LINGO2: variants seen among roughly 807,000 people sequenced by gnomAD.
LINGO2 encodes the protein leucine-rich repeat and immunoglobulin-like domain-containing nogo receptor-interacting protein 2.
In LINGO2, 14 loss-of-function variants were observed where a neutral mutation model predicts 30.6. That is an observed-to-expected ratio of 0.46 (90% CI 0.30 to 0.72). The LOEUF (loss-of-function observed/expected upper bound fraction) is 0.72, where lower values mean the gene tolerates loss of function less well. LINGO2 is among the 30% of genes least tolerant of loss of function. The pLI is 0.07. For synonymous variants in LINGO2, 317 were observed against 288.5 expected (o/e 1.10, Z -1.00); for missense variants, 729 against 751.7 (o/e 0.97, Z 0.35).
intron 2 of LINGO2, among the ~76,000 whole-genome samples, chr9:28,391,240 G>A (rs755365793): frequency 5.3e-5 from 8 of 152,218 alleles, no homozygotes; most frequent in Non-Finnish European, 1.0e-4. Context: ...ATTAAGATAC[G>A]GAATATTTTC....
intron 1 of LINGO2, among the ~76,000 whole-genome samples, chr9:28,544,599 C>A (rs999136303): frequency 2.6e-5 from 4 of 151,656 alleles, no homozygotes; most frequent in Non-Finnish European, 5.9e-5. Flanking sequence ...ATGTTAGTAT[C>A]TTTCTCTTTC....
At chr9:28,696,811 T>C in the LINGO2 span, among the ~76,000 whole-genome samples, 8 of 151,890 alleles carry the variant, frequency 5.3e-5, no homozygotes, top group East Asian at 1.2e-3. Context: ...TAATTAATTG[T>C]ATTTCTGGCT....
At chr9:28,923,135 C>A in the LINGO2 span, among the ~76,000 whole-genome samples, 1 of 152,196 alleles carries the variant, frequency 6.6e-6, no homozygotes, top group Non-Finnish European at 1.5e-5. Flanking sequence ...CTCAGCCCTG[C>A]TGGCACCCTG....
At chr9:28,269,214 C>A (rs1389300322) in intron 4 of LINGO2, among the ~76,000 whole-genome samples, 1 of 152,030 alleles carries the variant, frequency 6.6e-6, no homozygotes, top group African/African-American at 2.4e-5. Context: ...TACTTATATA[C>A]ACATCTGCCT....
At chr9:28,331,358 G>C (rs1295557377) in intron 3 of LINGO2, among the ~76,000 whole-genome samples, 4 of 152,122 alleles carry the variant, frequency 2.6e-5, no homozygotes, top group Non-Finnish European at 5.9e-5. Context: ...ATCAAGTAGA[G>C]TTGAAAATGC....
the LINGO2 span, among the ~76,000 whole-genome samples, chr9:28,844,407 C>G: frequency 6.6e-6 from 1 of 151,732 alleles, no homozygotes; most frequent in African/African-American, 2.4e-5. Flanking sequence ...AGGACAGAAA[C>G]AGATGTAATC....
At chr9:28,131,495 C>T (rs985859379) in intron 4 of LINGO2, among the ~76,000 whole-genome samples, 1 of 151,990 alleles carries the variant, frequency 6.6e-6, no homozygotes, top group Non-Finnish European at 1.5e-5. Context: ...AAATGCCTAG[C>T]ATAATAAATA....
In LINGO2 at chr9:28,189,269, G is replaced by GGA. The variant is rs1564028609; in HGVS notation, c.-87+105938_-87+105939insTC. On this transcript the variant is annotated intron_variant, in intron 4 of 5. Transcript: ENST00000379992. ...GGAGGAAGGGAGGAAGGAAGGGAGG[G>GGA]AGGAAGGGAGGGAGGGAGGGAGGAA... 4.3e-4 allele frequency among the ~76,000 whole-genome samples: 23 copies of GGA among 52,950 alleles called. 3 individuals carry two copies. The highest frequency in any genetic ancestry group is 6.4e-4 in the African/African-American group (7 of 10,952). The allele number at this position is 52,950 out of a possible 152,430, so 34.7% of individuals were successfully genotyped here.
chr9:28,022,219 G>C (rs12350286), intron 4 of LINGO2, among the ~76,000 whole-genome samples: 7,474 of 152,000 alleles, frequency 0.049, 341 homozygotes, highest in African/African-American at 0.12. Flanking sequence ...TGTGGTGCAG[G>C]TATTTTAACA....
the LINGO2 span, among the ~76,000 whole-genome samples, chr9:29,159,499 A>G: frequency 6.6e-6 from 1 of 152,344 alleles, no homozygotes; most frequent in East Asian, 1.9e-4. Context: ...AGCATAACTT[A>G]TCATGAAACT....
intron 1 of LINGO2, among the ~76,000 whole-genome samples, chr9:28,538,999 G>A (rs1401396397): frequency 6.6e-6 from 1 of 151,798 alleles, no homozygotes; most frequent in East Asian, 1.9e-4. Context: ...GTATGTGGAT[G>A]GAAATTTTCT....
chr9:28,413,591 T>C (rs1367866148), intron 2 of LINGO2, among the ~76,000 whole-genome samples: 1 of 152,050 alleles, frequency 6.6e-6, no homozygotes, highest in Non-Finnish European at 1.5e-5. Flanking sequence ...TGGAAGAGAC[T>C]CTTACTGTCA....
chr9:29,143,854 T>C, the LINGO2 span, among the ~76,000 whole-genome samples: 2 of 152,188 alleles, frequency 1.3e-5, no homozygotes, highest in Admixed American at 1.3e-4. Flanking sequence ...CGTGCCTATG[T>C]CCTGAATTGT....
At chr9:27,996,016 GT>G (rs1433410938) in intron 5 of LINGO2, among the ~76,000 whole-genome samples, 1 of 151,966 alleles carries the variant, frequency 6.6e-6, no homozygotes, top group Non-Finnish European at 1.5e-5. Context: ...ATTCAGTAAG[GT>G]TGCAGTAAAT....
intron 2 of LINGO2, among the ~76,000 whole-genome samples, chr9:28,433,949 C>CTCTATATATATATATA (rs1225323260): frequency 7.9e-5 from 7 of 88,544 alleles, no homozygotes; most frequent in African/African-American, 2.7e-4. Context: ...CTCTCTCTCT[C>CTCTATATATATATATA]TATATATATA....
chr9:28,355,755 G>A (rs916575750), intron 3 of LINGO2, among the ~76,000 whole-genome samples: 4 of 152,082 alleles, frequency 2.6e-5, no homozygotes, highest in Admixed American at 6.6e-5. Flanking sequence ...GTATCTGTAC[G>A]TAATACTCAC....
intron 4 of LINGO2, among the ~76,000 whole-genome samples, chr9:28,250,938 A>G (rs539880385): frequency 2.0e-5 from 3 of 151,838 alleles, no homozygotes; most frequent in Admixed American, 6.6e-5. Flanking sequence ...CAGCAGTCAC[A>G]AGACGCCCTC....
At chr9:28,846,457 G>T in the LINGO2 span, among the ~76,000 whole-genome samples, 1 of 127,418 alleles carries the variant, frequency 7.8e-6, no homozygotes, top group African/African-American at 3.1e-5. Context: ...CAGTTTCTGA[G>T]AATTTCCCCT....
intron 4 of LINGO2, among the ~76,000 whole-genome samples, chr9:28,018,451 G>A (rs1251091380): frequency 6.6e-6 from 1 of 152,038 alleles, no homozygotes; most frequent in Admixed American, 6.6e-5. Flanking sequence ...TGCAAACTAT[G>A]CATCCAACAA....
Sources: allele counts gnomAD v4.1 joint callset (sites outside exome capture counted in the v4.1 genomes callset), GRCh38; gene constraint gnomAD v4.1.1; transcripts MANE v1.5; gene names NCBI Gene and HGNC (gene_info 2026-07-23, HGNC 2026-07-21).